Variants in RPL11 observed in about 807,000 individuals in gnomAD.
RPL11 encodes large ribosomal subunit protein uL5.
RPL11 carries 3 observed loss-of-function variants against 24.1 expected under a neutral mutation model. That is an observed-to-expected ratio of 0.12 (90% confidence interval 0.06 to 0.32). The LOEUF is 0.32. Ranked by LOEUF, RPL11 falls within the 10% of genes least tolerant of loss-of-function variation. The probability of loss-of-function intolerance (pLI) is 1.00; values close to 1 mark genes in which losing one functional copy is unlikely to be tolerated. For missense variants in RPL11, 146 were observed against 225.7 expected (o/e 0.65, Z 2.26); for synonymous variants, 96 against 75.7 (o/e 1.27, Z -1.39).
Position 23,694,791 on chromosome 1 carries a change from G to A in RPL11, c.396G>A (p.Val132=). ...GTATCTACGGCCTGGACTTCTATGT[G>A]GTATGAATATTTAATCTTTTCCCGC... is the stretch of plus-strand genomic sequence containing the variant. ...SIGIYGLDFY[V]VLGRPGFSIA... is the part of the protein sequence containing the mutation. Residue 132 remains valine (V), a splice_region_variant and synonymous_variant, in exon 4 of 6, where the codon GTG becomes GTA. Coordinates refer to ENST00000643754, the MANE Select transcript of RPL11 (RefSeq NM_000975.5). The A allele has an allele frequency of 6.2e-7, 1 of 1,614,156 alleles. No individual in the cohort carries two copies. Among genetic ancestry groups the A allele is most frequent in the Non-Finnish European group, 8.5e-7 (1 of 1,180,034 alleles).
intron 2 of RPL11, 51 bp downstream of exon 2, chr1:23,692,810 G>A: frequency 1.2e-6 from 2 of 1,607,034 alleles, no homozygotes; most frequent in Non-Finnish European, 1.7e-6. Context: ...TCGCTTGGTT[G>A]TTTCTTGATT....
Position 23,692,744 on chromosome 1 carries a change from C to T in RPL11, c.142C>T (p.Pro48Ser). 1.2e-6 allele frequency: 2 copies of T among 1,613,720 alleles called. No individual in the cohort carries two copies. Among genetic ancestry groups the T allele is most frequent in the African/African-American group, 1.3e-5 (1 of 74,984 alleles). Reference sequence around the variant, plus strand: ...GTTGGAGCAGCTCACAGGGCAGACCCCTGTGTTTTCCAAAGGTGAGTAGTC... The same window carrying T: ...GTTGGAGCAGCTCACAGGGCAGACCTCTGTGTTTTCCAAAGGTGAGTAGTC... ...KVLEQLTGQT[P>S]VFSKARYTVR... is the part of the protein sequence containing the mutation. Residue 48 changes from proline to serine, a missense_variant, in exon 2 of 6, where the codon CCT (proline) becomes TCT (serine). Pro to Ser is a moderately conservative substitution (Grantham distance 74). Transcript: ENST00000643754.
At chr1:23,694,182 C>T (rs924542816) in intron 3 of RPL11, among the ~76,000 whole-genome samples, 1 of 151,918 alleles carries the variant, frequency 6.6e-6, no homozygotes, top group Non-Finnish European at 1.5e-5. Context: ...TCGAGACCAT[C>T]CTGGCCAACA....
chr1:23,693,958 T>C, intron 3 of RPL11, 45 bp downstream of exon 3: 1 of 1,298,008 alleles, frequency 7.7e-7, no homozygotes, highest in East Asian at 2.3e-5. Flanking sequence ...AGCACTCCTT[T>C]AGTAACACAT....
chr1:23,696,798 T>G lies in RPL11; in HGVS notation c.*425T>G. 1 of 250,506 alleles carries G rather than the reference T, an allele frequency of 4.0e-6. No individual in the cohort carries two copies. The highest frequency in any genetic ancestry group is 5.4e-5 in the South Asian group (1 of 18,494). 15.5% of individuals were successfully genotyped at this position (250,506 alleles called of 1,614,324 possible). ...TGCGTCATGAAGGAATGACAGGCTT[T>G]GGTGTGATGGTTGAGATTAAATTTA... On this transcript the variant is annotated 3_prime_UTR_variant, in exon 6 of 6. Coordinates refer to ENST00000643754, the MANE Select transcript of RPL11 (RefSeq NM_000975.5).
Position 23,693,856 on chromosome 1 carries a change from T to C in RPL11, c.207T>C (p.Ala69=). 1.2e-6 allele frequency: 2 copies of C among 1,614,178 alleles called. No homozygotes were observed. The highest frequency in any genetic ancestry group is 1.3e-5 in the African/African-American group (1 of 75,062). ...GCATCCGGAGAAATGAAAAGATTGC[T>C]GTCCACTGCACAGTTCGAGGGGCCA... is the stretch of plus-strand genomic sequence containing the variant. ...SFGIRRNEKI[A]VHCTVRGAKA... Residue 69 remains alanine (A), a synonymous_variant, in exon 3 of 6, where the codon GCT becomes GCC. Transcript: ENST00000643754.
chr1:23,691,879 G>T lies in RPL11; in HGVS notation c.6+50G>T, dbSNP rs11809783. The T allele has an allele frequency of 3.1e-3, 4,972 of 1,613,864 alleles. 117 individuals are homozygous for T. In the African/African-American group the frequency reaches 0.054, roughly 18 times the overall value. On this transcript the variant is annotated intron_variant, in intron 1 of 5. Transcript: ENST00000643754. ...CTTTCCTTTATCCGTCGCCATCCAT[G>T]GCAGGCCGAGCCTGCGGGGGCTACT...
At chr1:23,695,115 T>G (rs977534471) in intron 4 of RPL11, 1 of 401,012 alleles carries the variant, frequency 2.5e-6, no homozygotes. Flanking sequence ...TGGTGCCACA[T>G]TTGGCCTATG....
chr1:23,692,272 T>G, intron 1 of RPL11: 1 of 420,692 alleles, frequency 2.4e-6, no homozygotes, highest in Non-Finnish European at 4.4e-6. Context: ...AACTGAGCAA[T>G]TAAGTTCTGT....
At chr1:23,692,573 T>G in intron 1 of RPL11, 36 bp from the exon 2 acceptor site, 1 of 1,613,828 alleles carries the variant, frequency 6.2e-7, no homozygotes, top group African/African-American at 1.3e-5. Context: ...GGCCCTCAGC[T>G]GTGAGTGTAT....
In RPL11 at chr1:23,696,526, T is replaced by A. The variant is rs1644533702; in HGVS notation, c.*153T>A. ...GGAGTAGCTGGTAACAACCCCGTCA[T>A]CCTCTGATTGGATGCCAGTATTTCC... On this transcript the variant is annotated 3_prime_UTR_variant, in exon 6 of 6. Transcript: ENST00000643754. 1 of 729,018 alleles carries A rather than the reference T, an allele frequency of 1.4e-6. No homozygotes were observed. The highest frequency in any genetic ancestry group is 2.4e-6 in the Non-Finnish European group (1 of 408,782). 45.2% of individuals were successfully genotyped at this position (729,018 alleles called of 1,614,324 possible).
At position 23,693,916 on chromosome 1, in the gene RPL11, G is replaced by A. The variant is rs199514846; in HGVS notation, c.264+3G>A. 4.6e-5 allele frequency: 74 copies of A among 1,609,388 alleles called. No individual in the cohort carries two copies. Among genetic ancestry groups the A allele is most frequent in the Non-Finnish European group, 5.8e-5 (68 of 1,175,778 alleles). On this transcript the variant is annotated splice_donor_region_variant and intron_variant, in intron 3 of 5. Transcript: ENST00000643754. The stretch of plus-strand genomic sequence containing the variant: ...AAATCTTGGAGAAGGGTCTAAAGGT[G>A]AGCCTAATCCCCTAATGGAGTGATA...
intron 2 of RPL11, among the ~76,000 whole-genome samples, chr1:23,693,504 A>G (rs1488518467): frequency 6.6e-6 from 1 of 152,236 alleles, no homozygotes. Flanking sequence ...TCTTTGGAAC[A>G]TGATAATCTT....
intron 4 of RPL11, 27 bp from the exon 5 acceptor site, chr1:23,695,771 G>C: frequency 6.4e-7 from 1 of 1,560,348 alleles, no homozygotes; most frequent in Non-Finnish European, 8.7e-7. Flanking sequence ...GAGCTGGCTA[G>C]GTGACTGTTG....
intron 4 of RPL11, 157 bp downstream of exon 4, chr1:23,694,948 G>A (rs887235914): frequency 8.9e-7 from 1 of 1,122,754 alleles, no homozygotes; most frequent in Non-Finnish European, 1.3e-6. Flanking sequence ...CTCATTTGTG[G>A]CAAATGTAGG....
At chr1:23,694,135 G>A (rs551752555) in intron 3 of RPL11, among the ~76,000 whole-genome samples, 1 of 152,222 alleles carries the variant, frequency 6.6e-6, no homozygotes, top group East Asian at 1.9e-4. Context: ...CAACACTTTG[G>A]GAGGCCAAGG....
In RPL11 at chr1:23,696,417, A is replaced by G. The variant is rs756993821; in HGVS notation, c.*44A>G. 3 of 1,581,752 alleles carry G rather than the reference A, an allele frequency of 1.9e-6. No homozygotes were observed. The highest frequency in any genetic ancestry group is 4.5e-5 in the East Asian group (2 of 44,716). On this transcript the variant is annotated 3_prime_UTR_variant, in exon 6 of 6. Transcript: ENST00000643754. ...AAGAGCAATAAAAAGTTTTCAGTGA[A>G]ATGTGCAATTCTGTTGTGTGTTCTG...
In RPL11 at chr1:23,696,429, T is replaced by C. The variant is rs1644533213; in HGVS notation, c.*56T>C. ...AAGTTTTCAGTGAAATGTGCAATTC[T>C]GTTGTGTGTTCTGTGAAAGGATCCT... is the stretch of plus-strand genomic sequence containing the variant. On this transcript the variant is annotated 3_prime_UTR_variant, in exon 6 of 6. Coordinates refer to ENST00000643754, the MANE Select transcript of RPL11 (RefSeq NM_000975.5). 1.4e-5 allele frequency: 22 copies of C among 1,551,282 alleles called. No homozygotes were observed. Among genetic ancestry groups the C allele is most frequent in the Non-Finnish European group, 1.9e-5 (21 of 1,123,750 alleles).
intron 5 of RPL11, 49 bp from the exon 6 acceptor site, chr1:23,696,293 ATC>A (rs1644532396): frequency 1.9e-6 from 3 of 1,570,902 alleles, no homozygotes; most frequent in Non-Finnish European, 2.6e-6. Context: ...CATTGCTGCA[ATC>A]TCTGCTGTTG....
Sources: allele counts gnomAD v4.1 joint callset (sites outside exome capture counted in the v4.1 genomes callset), GRCh38; gene constraint gnomAD v4.1.1; transcripts MANE v1.5; gene names NCBI Gene and HGNC (gene_info 2026-07-23, HGNC 2026-07-21).